Variants in TDRD12 observed in about 807,000 individuals in gnomAD.
TDRD12 encodes the protein putative ATP-dependent RNA helicase TDRD12.
In TDRD12, 158 loss-of-function variants were observed where a neutral mutation model predicts 133.5. That is an observed-to-expected ratio of 1.18 (90% CI 1.04 to 1.35). The LOEUF (loss-of-function observed/expected upper bound fraction) is 1.35. Ranked by LOEUF, TDRD12 falls within the 40% of genes most tolerant of loss-of-function variation. The pLI is 0.00. For missense variants in TDRD12, 1,443 were observed against 1,321.3 expected (o/e 1.09, Z -1.43); for synonymous variants, 460 against 477.9 (o/e 0.96, Z 0.49).
At chr19:32,773,177 TC>T (rs1490759432) in intron 9 of TDRD12, among the ~76,000 whole-genome samples, 1 of 152,214 alleles carries the variant, frequency 6.6e-6, no homozygotes, top group Non-Finnish European at 1.5e-5. Flanking sequence ...CTGCTCTCCG[TC>T]CCTTTGACAA....
chr19:32,745,882 T>C (rs1172813685), intron 4 of TDRD12, among the ~76,000 whole-genome samples: 3 of 147,902 alleles, frequency 2.0e-5, no homozygotes, highest in Admixed American at 1.3e-4. Context: ...CTGGCTGATG[T>C]GGTTATTCTG....
At chr19:32,784,584 T>G (rs1970853890) in intron 11 of TDRD12, among the ~76,000 whole-genome samples, 1 of 152,226 alleles carries the variant, frequency 6.6e-6, no homozygotes, top group Non-Finnish European at 1.5e-5. Flanking sequence ...TCTTTCTACC[T>G]CTGGTAGAAT....
intron 3 of TDRD12, among the ~76,000 whole-genome samples, chr19:32,742,394 C>T (rs1333788471): frequency 6.6e-6 from 1 of 152,130 alleles, no homozygotes; most frequent in Non-Finnish European, 1.5e-5. Flanking sequence ...TTCCTGACCT[C>T]AGGTGATCTG....
At chr19:32,805,317 A>G (rs1971515814) in intron 21 of TDRD12, among the ~76,000 whole-genome samples, 1 of 150,900 alleles carries the variant, frequency 6.6e-6, no homozygotes, top group South Asian at 2.1e-4. Context: ...TGGGAAGTCA[A>G]GGATTCAGTG....
intron 4 of TDRD12, among the ~76,000 whole-genome samples, chr19:32,744,130 G>T (rs897179953): frequency 2.0e-5 from 3 of 151,292 alleles, no homozygotes; most frequent in African/African-American, 7.3e-5. Flanking sequence ...TGACATACTT[G>T]CTGTATTTAA....
chr19:32,803,211 G>A lies in TDRD12; in HGVS notation c.2552+69G>A, dbSNP rs996046498. On this transcript the variant is annotated intron_variant, in intron 21 of 27. Transcript: ENST00000444215. ...CAGTAAGGTGCACAGCTGTTGCAAT[G>A]TGGTGAATTGTCATGTATCTAGAAG... The A allele has an allele frequency of 4.2e-6, 5 of 1,188,930 alleles. No individual in the cohort carries two copies. The African/African-American group carries it at 4.6e-5, about 11-fold the overall frequency. The allele number at this position is 1,188,930 out of a possible 1,614,324, so 73.6% of individuals were successfully genotyped here.
At chr19:32,790,612 A>G (rs908392956) in intron 12 of TDRD12, 21 bp downstream of exon 12, 9 of 1,551,644 alleles carry the variant, frequency 5.8e-6, no homozygotes, top group Non-Finnish European at 7.8e-6. Flanking sequence ...CCCTAAAAAA[A>G]GTAAAATAAA....
chr19:32,762,359 G>C (rs1013182638), intron 8 of TDRD12, among the ~76,000 whole-genome samples: 1 of 152,100 alleles, frequency 6.6e-6, no homozygotes, highest in Non-Finnish European at 1.5e-5. Context: ...TTTTGTGAAG[G>C]GTGTAAGGTC....
intron 27 of TDRD12, among the ~76,000 whole-genome samples, chr19:32,820,455 G>C (rs990051906): frequency 6.6e-6 from 1 of 152,070 alleles, no homozygotes; most frequent in Non-Finnish European, 1.5e-5. Flanking sequence ...CCTATTCAAA[G>C]AACCAAAAGA....
intron 11 of TDRD12, among the ~76,000 whole-genome samples, chr19:32,787,204 G>T (rs111607537): frequency 2.0e-5 from 3 of 152,136 alleles, no homozygotes; most frequent in African/African-American, 7.2e-5. Flanking sequence ...AGCTCTGTTG[G>T]AGTTTGCTGG....
rs915775865 is a variant in TDRD12 at position 32,827,202 on chromosome 19, G to A, written c.*36G>A. Reference sequence around the variant, plus strand: ...AAACCTGCCGTACACAGTGACAGAGGTGGTTGAAGACAGTAGCAGCACTTC... The same window carrying A: ...AAACCTGCCGTACACAGTGACAGAGATGGTTGAAGACAGTAGCAGCACTTC... On this transcript the variant is annotated 3_prime_UTR_variant, in exon 10 of 10. Transcript: ENST00000637289. 16 of 1,231,926 alleles carry A rather than the reference G, an allele frequency of 1.3e-5. No homozygotes were observed. The African/African-American group carries it at 2.5e-4, about 19-fold the overall frequency. The allele number at this position is 1,231,926 out of a possible 1,614,324, so 76.3% of individuals were successfully genotyped here. A position where few individuals can be genotyped will look rare whatever the true frequency, so the allele number is the denominator to read the frequency against.
intron 7 of TDRD12, among the ~76,000 whole-genome samples, chr19:32,756,395 G>GTT (rs150550292): frequency 8.7e-5 from 13 of 149,296 alleles, no homozygotes; most frequent in African/African-American, 1.5e-4. Context: ...CTCGATTTCT[G>GTT]TTTTTTTTTT....
At chr19:32,724,027 A>T (rs1968778271) in intron 1 of TDRD12, among the ~76,000 whole-genome samples, 1 of 151,700 alleles carries the variant, frequency 6.6e-6, no homozygotes, top group Admixed American at 6.6e-5. Context: ...CTGGTTAATT[A>T]AAAAAAATTT....
intron 8 of TDRD12, among the ~76,000 whole-genome samples, chr19:32,770,729 AG>A (rs532947159): frequency 1.9e-3 from 293 of 152,300 alleles, no homozygotes; most frequent in African/African-American, 6.7e-3. Context: ...TAATCTGAAA[AG>A]GGGGAAATAA....
chr19:32,781,884 G>A (rs916914508), intron 11 of TDRD12, among the ~76,000 whole-genome samples: 17 of 151,934 alleles, frequency 1.1e-4, no homozygotes, highest in African/African-American at 4.1e-4. Flanking sequence ...CTTGTGCTGC[G>A]TGTTCTCTGT....
At chr19:32,743,486 G>A (rs556484923) in intron 4 of TDRD12, among the ~76,000 whole-genome samples, 6 of 151,942 alleles carry the variant, frequency 3.9e-5, no homozygotes, top group Middle Eastern at 6.8e-3. Flanking sequence ...GGGCTTAAGC[G>A]ATCCTCTCAC....
chr19:32,778,037 A>G (rs1970658610), intron 11 of TDRD12, among the ~76,000 whole-genome samples: 1 of 150,904 alleles, frequency 6.6e-6, no homozygotes, highest in Non-Finnish European at 1.5e-5. Flanking sequence ...TTTTTACCAT[A>G]TTGGCCTCAA....
At chr19:32,799,728 CTTTTTTTTTTTTT>C (rs71176153) in intron 16 of TDRD12, among the ~76,000 whole-genome samples, 1 of 78,434 alleles carries the variant, frequency 1.3e-5, no homozygotes, top group South Asian at 4.9e-4. Context: ...TAGTTTTTGC[CTTTTTTTTTTTTT>C]TTTTTTTTTT....
intron 4 of TDRD12, among the ~76,000 whole-genome samples, chr19:32,746,949 A>AGG (rs1182083401): frequency 1.7e-4 from 21 of 121,710 alleles, no homozygotes; most frequent in African/African-American, 6.4e-4. Flanking sequence ...AGAGAGAGAG[A>AGG]GGGGGAGAGA....
Sources: gnomAD v4.1 joint callset for allele counts (sites outside exome capture counted in the v4.1 genomes callset) on GRCh38, gnomAD v4.1.1 for gene constraint, MANE v1.5 for transcripts, NCBI Gene and HGNC (gene_info 2026-07-23, HGNC 2026-07-21) for gene names.